HOOK3: variants seen among roughly 807,000 people sequenced by gnomAD.
HOOK3 encodes the protein protein Hook homolog 3.
In HOOK3, 24 loss-of-function variants were observed where a neutral mutation model predicts 116.3. The ratio of observed to expected loss-of-function variants is 0.21; its 90% CI spans 0.15 to 0.29. The LOEUF (loss-of-function observed/expected upper bound fraction) is 0.29. Among genes scored for constraint, HOOK3 ranks in the 10% least tolerant of loss-of-function variants. The pLI, the probability that HOOK3 is intolerant of heterozygous loss-of-function variation, is 1.00. For synonymous variants in HOOK3, 275 were observed against 283.0 expected (o/e 0.97, Z 0.28); for missense variants, 632 against 830.2 (o/e 0.76, Z 2.93).
chr8:42,965,851 T>G (rs1005623821), intron 9 of HOOK3, among the ~76,000 whole-genome samples: 1 of 152,284 alleles, frequency 6.6e-6, no homozygotes, highest in Non-Finnish European at 1.5e-5. Flanking sequence ...GTTCAAAGAA[T>G]GGTCGAGGCT....
At chr8:42,948,034 T>G (rs1374965078) in intron 5 of HOOK3, among the ~76,000 whole-genome samples, 1 of 152,182 alleles carries the variant, frequency 6.6e-6, no homozygotes, top group Non-Finnish European at 1.5e-5. Context: ...GTGGTAAGTT[T>G]GAAAAAACAA....
rs1456915087 is a variant in HOOK3 at position 43,024,658 on chromosome 8, A to G, written c.*6160A>G. The G allele has an allele frequency of 1.1e-5, 2 of 187,004 alleles. No homozygotes were observed. The highest frequency in any genetic ancestry group is 2.3e-5 in the Non-Finnish European group (2 of 88,560). The allele number at this position is 187,004 out of a possible 1,614,324, so 11.6% of individuals were successfully genotyped here. The stretch of plus-strand genomic sequence containing the variant: ...TCTGTCGTCTAATTTTTTATTTTCT[A>G]TCTATAAAGAATATTTAAATAATAA... On this transcript the variant is annotated 3_prime_UTR_variant, in exon 22 of 22. Coordinates refer to ENST00000307602, the MANE Select transcript of HOOK3 (RefSeq NM_032410.4).
chr8:42,916,282 TAAAAG>T (rs773873245), intron 2 of HOOK3, among the ~76,000 whole-genome samples: 2 of 152,382 alleles, frequency 1.3e-5, no homozygotes, highest in Non-Finnish European at 2.9e-5. Context: ...ACTGTAAAGT[TAAAAG>T]AAAGCTAATT....
chr8:43,006,803 G>A (rs901052760), intron 17 of HOOK3, among the ~76,000 whole-genome samples: 3 of 151,962 alleles, frequency 2.0e-5, no homozygotes, highest in African/African-American at 4.8e-5. Flanking sequence ...TCAGAAAGAC[G>A]TAAAGTGCTT....
chr8:42,910,907 A>G (rs1369717357), intron 2 of HOOK3, among the ~76,000 whole-genome samples: 2 of 152,222 alleles, frequency 1.3e-5, no homozygotes, highest in Non-Finnish European at 2.9e-5. Context: ...CACAAGGTAT[A>G]TTTTTAACTC....
intron 13 of HOOK3, among the ~76,000 whole-genome samples, chr8:42,980,865 CAA>C (rs1423372734): frequency 2.6e-5 from 4 of 151,852 alleles, no homozygotes; most frequent in African/African-American, 7.2e-5. Flanking sequence ...GCCTGGGTGA[CAA>C]GAGTGAAACT....
At chr8:42,907,816 C>CAAAAAAA (rs71550426) in intron 2 of HOOK3, among the ~76,000 whole-genome samples, 32 of 46,168 alleles carry the variant, frequency 6.9e-4, no homozygotes, top group Non-Finnish European at 1.1e-3. Flanking sequence ...AGCAACGAGG[C>CAAAAAAA]AAAAAAAAAA....
At chr8:43,000,313 C>A (rs753298479) in intron 16 of HOOK3, 12 of 1,261,562 alleles carry the variant, frequency 9.5e-6, no homozygotes, top group African/African-American at 6.1e-5. Flanking sequence ...ATATAGTGAG[C>A]AGTTTTTGGA....
rs59741064 is a variant in HOOK3 at position 43,029,208 on chromosome 8, G to A, written c.*10710G>A. 274 of 169,654 alleles carry A rather than the reference G, an allele frequency of 1.6e-3. 4 individuals are homozygous for A. Among genetic ancestry groups the A allele is most frequent in the Admixed American group, 0.011 (178 of 15,654 alleles). The allele number at this position is 169,654 out of a possible 1,614,324, so 10.5% of individuals were successfully genotyped here. A position where few individuals can be genotyped will look rare whatever the true frequency, so the allele number is the denominator to read the frequency against. On this transcript the variant is annotated 3_prime_UTR_variant, in exon 22 of 22. Coordinates refer to ENST00000307602, the MANE Select transcript of HOOK3 (RefSeq NM_032410.4). ...TGCTGTGTCACCAGGCTGGAGCAGT[G>A]GCACGATCTCGCCTCACTGCAACCT...
rs535149502 is a variant in HOOK3, at chr8:43,011,046, A to G, written c.1839+641A>G. Among the ~76,000 whole-genome samples the G allele has an allele frequency of 1.6e-3, 244 of 151,494 alleles. 1 individual carries two copies. Among genetic ancestry groups the G allele is most frequent in the South Asian group, 6.9e-3 (33 of 4,784 alleles). ...CTCGCTCTGTCGCCCAGGCTGGAGT[A>G]CAGTGGCACGATCTTGGCTCACTGC... On this transcript the variant is annotated intron_variant, in intron 19 of 21. Transcript: ENST00000307602.
Position 43,020,452 on chromosome 8 carries a change from G to A in HOOK3, c.*1954G>A, listed in dbSNP as rs1300666826. ...ATTGGGGCCAGACGTGGTGCCTCACGCCTGCAATCTCACCATTTGGGAGAC... is the reference window on the plus strand; with the variant it reads ...ATTGGGGCCAGACGTGGTGCCTCACACCTGCAATCTCACCATTTGGGAGAC... On this transcript the variant is annotated 3_prime_UTR_variant, in exon 22 of 22. Transcript: ENST00000307602. 14 of 186,392 alleles carry A rather than the reference G, an allele frequency of 7.5e-5. No homozygotes were observed. Among genetic ancestry groups the A allele is most frequent in the South Asian group, 2.0e-4 (1 of 5,094 alleles). The allele number at this position is 186,392 out of a possible 1,614,324, so 11.5% of individuals were successfully genotyped here. A position where few individuals can be genotyped will look rare whatever the true frequency, so the allele number is the denominator to read the frequency against.
chr8:43,008,664 T>TTTTTATTTTTTA (rs1318440513), intron 18 of HOOK3, among the ~76,000 whole-genome samples: 117 of 136,098 alleles, frequency 8.6e-4, no homozygotes, highest in African/African-American at 3.0e-3. Context: ...TTTATTTTTA[T>TTTTTATTTTTTA]TTTTTTTTTT....
At chr8:42,953,032 T>C (rs2130400571) in intron 6 of HOOK3, among the ~76,000 whole-genome samples, 1 of 152,144 alleles carries the variant, frequency 6.6e-6, no homozygotes, top group Admixed American at 6.6e-5. Context: ...ATCCACCTCC[T>C]GCAAGTAGAT....
At chr8:42,934,572 G>A (rs1302285450) in intron 4 of HOOK3, among the ~76,000 whole-genome samples, 1 of 151,810 alleles carries the variant, frequency 6.6e-6, no homozygotes, top group African/African-American at 2.4e-5. Flanking sequence ...GGCCCCAGTG[G>A]GTGATGTTCC....
chr8:43,004,831 T>G (rs1188620236), intron 17 of HOOK3, among the ~76,000 whole-genome samples: 1 of 152,144 alleles, frequency 6.6e-6, no homozygotes, highest in East Asian at 1.9e-4. Flanking sequence ...TCAGTCTGCT[T>G]AGTAAACCTG....
chr8:42,936,021 G>C (rs1197428990), intron 4 of HOOK3, among the ~76,000 whole-genome samples: 1 of 152,196 alleles, frequency 6.6e-6, no homozygotes, highest in African/African-American at 2.4e-5. Flanking sequence ...TCCTATCCAT[G>C]AGCATGGAAT....
intron 1 of HOOK3, among the ~76,000 whole-genome samples, chr8:42,899,664 T>G (rs970834692): frequency 6.6e-6 from 1 of 152,220 alleles, no homozygotes; most frequent in Non-Finnish European, 1.5e-5. Flanking sequence ...TCATTTAGAT[T>G]AGTTTTCTTG....
intron 4 of HOOK3, among the ~76,000 whole-genome samples, chr8:42,941,987 C>T (rs368000530): frequency 4.6e-5 from 7 of 152,274 alleles, no homozygotes; most frequent in East Asian, 1.9e-4. Context: ...TGGCCAGGTA[C>T]GGTGACTCAC....
At chr8:42,940,419 C>G (rs1054150065) in intron 4 of HOOK3, among the ~76,000 whole-genome samples, 1 of 152,162 alleles carries the variant, frequency 6.6e-6, no homozygotes, top group Non-Finnish European at 1.5e-5. Flanking sequence ...TGCAGTGAGC[C>G]GAGATGGCAG....
Sources: allele counts gnomAD v4.1 joint callset (sites outside exome capture counted in the v4.1 genomes callset), GRCh38; gene constraint gnomAD v4.1.1; transcripts MANE v1.5; gene names NCBI Gene and HGNC (gene_info 2026-07-23, HGNC 2026-07-21).